Variants in MCF2L observed in about 807,000 individuals in gnomAD.
MCF2L encodes MCF.2 cell line derived transforming sequence like.
Under a neutral mutation model 153.4 loss-of-function variants are expected in MCF2L, and 97 were observed. The observed-to-expected ratio is 0.63, with a 90% CI of 0.54 to 0.75. The LOEUF (loss-of-function observed/expected upper bound fraction) is 0.75. Ranked by LOEUF, MCF2L falls within the 30% of genes least tolerant of loss-of-function variation. The probability of loss-of-function intolerance (pLI) is 0.00; values close to 1 mark genes in which losing one functional copy is unlikely to be tolerated. For synonymous variants in MCF2L, 659 were observed against 632.2 expected, an observed-to-expected ratio of 1.04 and a Z score of -0.64; for missense variants, 1,347 against 1,495.2, an observed-to-expected ratio of 0.90 and a Z score of 1.64.
At chr13:113,066,878 A>T (rs535521272) in intron 8 of MCF2L, among the ~76,000 whole-genome samples, 1 of 152,202 alleles carries the variant, frequency 6.6e-6, no homozygotes, top group East Asian at 1.9e-4. Context: ...GCCTGGACCA[A>T]GCTGGTCCTT....
intron 2 of MCF2L, among the ~76,000 whole-genome samples, chr13:112,905,604 CCTA>C (rs2081165170): frequency 6.6e-6 from 1 of 152,224 alleles, no homozygotes; most frequent in African/African-American, 2.4e-5. Context: ...CACCCACCAT[CCTA>C]CTTTCTTTCT....
intron 1 of MCF2L, among the ~76,000 whole-genome samples, chr13:113,007,795 G>T (rs905654302): frequency 6.6e-6 from 1 of 152,154 alleles, no homozygotes; most frequent in Non-Finnish European, 1.5e-5. Flanking sequence ...GTGATTGCCG[G>T]ACTTACATCA....
At chr13:112,987,006 G>A (rs551870326) in intron 1 of MCF2L, among the ~76,000 whole-genome samples, 13 of 152,226 alleles carry the variant, frequency 8.5e-5, no homozygotes, top group Admixed American at 7.8e-4. Context: ...CGGAGCCAGT[G>A]TCGGAGCTGG....
At chr13:112,897,966 G>A (rs1042562667) in intron 1 of MCF2L, among the ~76,000 whole-genome samples, 5 of 151,972 alleles carry the variant, frequency 3.3e-5, no homozygotes, top group African/African-American at 1.2e-4. Context: ...GGTGCCATGT[G>A]GCCCGTCCAG....
At chr13:112,916,013 A>G (rs2081287596) in intron 2 of MCF2L, among the ~76,000 whole-genome samples, 1 of 151,182 alleles carries the variant, frequency 6.6e-6, no homozygotes, top group Non-Finnish European at 1.5e-5. Context: ...CCTGGTTAAC[A>G]CGGTGAAACC....
intron 1 of MCF2L, among the ~76,000 whole-genome samples, chr13:112,989,089 GGGGATGGA>G (rs1389760098): frequency 0.035 from 3,743 of 107,352 alleles, 1,255 homozygotes; most frequent in Non-Finnish European, 0.038. Flanking sequence ...TCCCTGAGCA[GGGGATGGA>G]GCTACCACAC....
chr13:112,922,767 G>A (rs1012873726), intron 2 of MCF2L, among the ~76,000 whole-genome samples: 10 of 152,190 alleles, frequency 6.6e-5, no homozygotes, highest in African/African-American at 9.7e-5. Context: ...CCTGGGAGGC[G>A]GAGGTTGCAG....
Position 113,074,702 on chromosome 13 carries a change from G to T in MCF2L, c.1116+139G>T, listed in dbSNP as rs975267307. ...CCCGGGGATGTCCATGGGGTGGGGGGTGCTGCTGCCTGTACCCCTCCCCTC... is the reference window on the plus strand; with the variant it reads ...CCCGGGGATGTCCATGGGGTGGGGGTTGCTGCTGCCTGTACCCCTCCCCTC... On this transcript the variant is annotated intron_variant, in intron 10 of 29. Transcript: ENST00000535094. This position sits in a 1 kb window ranked among gnomAD's most constrained non-coding sequence, Gnocchi z 4.2. 58 of 1,317,624 alleles carry T rather than the reference G, an allele frequency of 4.4e-5. No homozygotes were observed. The highest frequency in any genetic ancestry group is 2.6e-4 in the Middle Eastern group (1 of 3,804). 81.6% of individuals were successfully genotyped at this position (1,317,624 alleles called of 1,614,324 possible).
Position 113,053,111 on chromosome 13 carries a change from C to CT in MCF2L, c.370-7481dup, listed in dbSNP as rs750351388. On this transcript the variant is annotated intron_variant, in intron 4 of 29. Transcript: ENST00000535094. This position sits in a 1 kb window ranked among gnomAD's most constrained non-coding sequence, Gnocchi z 4.4. ...TCATCCCGGATTGCTGACATGGTGT[C>CT]TCCTGAGTGGAGCTGCCCTCTGCAT... 3.3e-4 allele frequency among the ~76,000 whole-genome samples: 50 copies of CT among 152,218 alleles called. No individual in the cohort carries two copies. The highest frequency in any genetic ancestry group is 2.1e-3 in the Admixed American group (32 of 15,282).
chr13:112,993,606 G>A lies in MCF2L; in HGVS notation c.80-21157G>A, dbSNP rs189213157. ...AGAGAGGTTTCAGGGCAGGAGGGAC[G>A]GGGCTTAGGGATGTTTCTTGGAGAG... On this transcript the variant is annotated intron_variant, in intron 1 of 29. Transcript: ENST00000535094. This position sits in a 1 kb window ranked among gnomAD's most constrained non-coding sequence, Gnocchi z 4.6. 4.6e-5 allele frequency among the ~76,000 whole-genome samples: 7 copies of A among 152,186 alleles called. No individual in the cohort carries two copies. The South Asian group carries it at 8.3e-4, about 18-fold the overall frequency.
chr13:112,992,510 C>T (rs551768173), intron 1 of MCF2L, among the ~76,000 whole-genome samples: 5 of 152,236 alleles, frequency 3.3e-5, no homozygotes, highest in Non-Finnish European at 4.4e-5. Flanking sequence ...ACGTTCCCGC[C>T]GTGCGTCTGT....
chr13:113,034,805 C>T (rs1193162052), intron 3 of MCF2L, among the ~76,000 whole-genome samples: 1 of 152,228 alleles, frequency 6.6e-6, no homozygotes, highest in Non-Finnish European at 1.5e-5. Context: ...AACCGACCTT[C>T]CTTGGGGAGT....
At chr13:112,982,774 C>T (rs2082484544) in intron 1 of MCF2L, among the ~76,000 whole-genome samples, 1 of 152,130 alleles carries the variant, frequency 6.6e-6, no homozygotes, top group African/African-American at 2.4e-5. Flanking sequence ...TGTCTGTGAT[C>T]GTGTCTGTGG....
At chr13:112,986,776 T>C (rs2082660589) in intron 1 of MCF2L, among the ~76,000 whole-genome samples, 1 of 152,216 alleles carries the variant, frequency 6.6e-6, no homozygotes, top group African/African-American at 2.4e-5. Flanking sequence ...CAGCCGGGTC[T>C]GCACTGCGCC....
rs889191679 is a variant in MCF2L at position 113,027,276 on chromosome 13, C to T, written c.278+2518C>T. Reference sequence around the variant, plus strand: ...AGCACATTGATCCCCTGATAAATATCACATAACCACCAGCTGGCAGCAGCC... The same window carrying T: ...AGCACATTGATCCCCTGATAAATATTACATAACCACCAGCTGGCAGCAGCC... On this transcript the variant is annotated intron_variant, in intron 3 of 29. Transcript: ENST00000535094. This position sits in a 1 kb window ranked among gnomAD's most constrained non-coding sequence, Gnocchi z 4.8. Among the ~76,000 whole-genome samples, 1 of 152,182 alleles carries T rather than the reference C, an allele frequency of 6.6e-6. No individual in the cohort carries two copies.
At chr13:113,060,268 G>T (rs1254852465) in intron 4 of MCF2L, among the ~76,000 whole-genome samples, 1 of 152,212 alleles carries the variant, frequency 6.6e-6, no homozygotes, top group Non-Finnish European at 1.5e-5. Flanking sequence ...ACGTTCGGAG[G>T]CACTGGGAGT....
rs74115775 is a variant in MCF2L, at chr13:113,065,386, C to T, written c.756+301C>T. 4.1e-3 allele frequency: 1,704 copies of T among 414,996 alleles called. 20 individuals are homozygous for T. The highest frequency in any genetic ancestry group is 0.03 in the African/African-American group (1,508 of 49,936). 25.7% of individuals were successfully genotyped at this position (414,996 alleles called of 1,614,324 possible). On this transcript the variant is annotated intron_variant, in intron 7 of 29. Coordinates refer to ENST00000535094, the MANE Select transcript of MCF2L (RefSeq NM_001112732.3). Reference sequence around the variant, plus strand: ...GGTGGCCGTGGCTTCAGGAGTGGGACCAGGGGTGGCTCCTCTCAGGAGCAC... The same window carrying T: ...GGTGGCCGTGGCTTCAGGAGTGGGATCAGGGGTGGCTCCTCTCAGGAGCAC...
chr13:113,045,661 C>T lies in MCF2L; in HGVS notation c.369+300C>T. ...AACACCAAGTCTGAGATGCTCGGGA[C>T]TGAATATGCCTCTTACATATTTATA... On this transcript the variant is annotated intron_variant, in intron 4 of 29. Coordinates refer to ENST00000535094, the MANE Select transcript of MCF2L (RefSeq NM_001112732.3). This position sits in a 1 kb window ranked among gnomAD's most constrained non-coding sequence, Gnocchi z 4.2. 1.1e-5 allele frequency: 5 copies of T among 459,562 alleles called. No individual in the cohort carries two copies. The Admixed American group carries it at 1.7e-4, about 15-fold the overall frequency. The allele number at this position is 459,562 out of a possible 1,614,324, so 28.5% of individuals were successfully genotyped here.
intron 2 of MCF2L, among the ~76,000 whole-genome samples, chr13:113,017,274 C>A (rs1012290424): frequency 7.2e-5 from 11 of 152,214 alleles, no homozygotes; most frequent in African/African-American, 2.7e-4. Flanking sequence ...AACTGGGGCT[C>A]GTCTCTCAGG....
Sources: allele counts gnomAD v4.1 joint callset (sites outside exome capture counted in the v4.1 genomes callset), GRCh38; gene constraint gnomAD v4.1.1; non-coding constraint Gnocchi (gnomAD v3.1); transcripts MANE v1.5; gene names NCBI Gene and HGNC (gene_info 2026-07-23, HGNC 2026-07-21).